The following SCML4 variants were observed in gnomAD, a reference collection of about 807,000 sequenced individuals.
The protein encoded by SCML4 is sex comb on midleg-like protein 4.
Under a neutral mutation model 41.1 loss-of-function variants are expected in SCML4, and 34 were observed. That is an observed-to-expected ratio of 0.83 (90% CI 0.63 to 1.10). The LOEUF (loss-of-function observed/expected upper bound fraction) is 1.10, where lower values mean the gene tolerates loss of function less well. Ranked by LOEUF, SCML4 falls within the 50% of genes least tolerant of loss-of-function variation. The pLI, the probability that SCML4 is intolerant of heterozygous loss-of-function variation, is 0.00. For missense variants in SCML4, 522 were observed against 534.1 expected (o/e 0.98, Z 0.22); for synonymous variants, 214 against 220.9 (o/e 0.97, Z 0.28).
At chr6:107,820,703 C>A (rs76758701) in intron 1 of SCML4, among the ~76,000 whole-genome samples, 1 of 152,158 alleles carries the variant, frequency 6.6e-6, no homozygotes, top group Non-Finnish European at 1.5e-5. Context: ...GGGCTGGCAG[C>A]CAGGGCGTTC....
At chr6:107,757,693 G>A (rs1779227596) in intron 2 of SCML4, among the ~76,000 whole-genome samples, 2 of 152,192 alleles carry the variant, frequency 1.3e-5, no homozygotes, top group Admixed American at 6.5e-5. Flanking sequence ...ATTAAATGCA[G>A]AAGTTTAGCA....
intron 5 of SCML4, among the ~76,000 whole-genome samples, chr6:107,735,773 T>C (rs1444304094): frequency 1.4e-5 from 2 of 147,882 alleles, no homozygotes; most frequent in East Asian, 2.0e-4. Context: ...CACTCCAGCC[T>C]AGATGATGGA....
chr6:107,826,238 C>T (rs190524238), upstream of SCML4, among the ~76,000 whole-genome samples: 1 of 142,604 alleles, frequency 7.0e-6, no homozygotes, highest in East Asian at 2.0e-4. Flanking sequence ...GAGTGAAATT[C>T]CATCTCAAAA....
the SCML4 span, among the ~76,000 whole-genome samples, chr6:107,836,378 C>A: frequency 6.6e-6 from 1 of 152,156 alleles, no homozygotes; most frequent in Non-Finnish European, 1.5e-5. Flanking sequence ...CTGTCTCTCC[C>A]ACCCAGAGGC....
intron 1 of SCML4, among the ~76,000 whole-genome samples, chr6:107,802,147 C>T (rs1197452326): frequency 2.6e-5 from 4 of 152,120 alleles, no homozygotes; most frequent in African/African-American, 9.7e-5. Context: ...GGATACAGTA[C>T]GAGCAACAAC....
At chr6:107,767,798 G>A (rs893943700) in intron 2 of SCML4, among the ~76,000 whole-genome samples, 6 of 152,132 alleles carry the variant, frequency 3.9e-5, no homozygotes, top group African/African-American at 1.4e-4. Flanking sequence ...CTAACTGCTG[G>A]CCTGAGGAAT....
upstream of SCML4, chr6:107,824,338 T>C (rs1156290415): frequency 6.6e-6 from 1 of 152,184 alleles, no homozygotes; most frequent in Non-Finnish European, 1.5e-5. Flanking sequence ...GAAAACTCGA[T>C]TTACCATAGC....
intron 2 of SCML4, among the ~76,000 whole-genome samples, chr6:107,766,632 G>A (rs1262144305): frequency 6.6e-6 from 1 of 152,216 alleles, no homozygotes; most frequent in Non-Finnish European, 1.5e-5. Context: ...GCTATGCTCA[G>A]AATGCCAGCT....
At position 107,720,505 on chromosome 6, in the gene SCML4, G is replaced by T. The variant is rs541653698; in HGVS notation, c.973+198C>A. On this transcript the variant is annotated intron_variant, in intron 6 of 7. Coordinates refer to ENST00000369020, the MANE Select transcript of SCML4 (RefSeq NM_198081.5). ...TGTGGCCTAGCCTGCCCTAATACACGATTTTCTTTGCTTATCAAAGGTTGA... is the reference window on the plus strand; with the variant it reads ...TGTGGCCTAGCCTGCCCTAATACACTATTTTCTTTGCTTATCAAAGGTTGA... 1.9e-4 allele frequency: 265 copies of T among 1,365,470 alleles called. 1 individual carries two copies. In the African/African-American group the frequency reaches 3.6e-3, roughly 19 times the overall value. The allele number at this position is 1,365,470 out of a possible 1,614,324, so 84.6% of individuals were successfully genotyped here. A position where few individuals can be genotyped will look rare whatever the true frequency, so the allele number is the denominator to read the frequency against.
intron 1 of SCML4, among the ~76,000 whole-genome samples, chr6:107,779,397 G>A (rs9480799): frequency 0.015 from 2,211 of 152,064 alleles, 49 homozygotes; most frequent in African/African-American, 0.05. Context: ...GGATTTTCCC[G>A]GGCAGAGCAG....
chr6:107,831,993 G>A, the SCML4 span, among the ~76,000 whole-genome samples: 1 of 152,020 alleles, frequency 6.6e-6, no homozygotes, highest in South Asian at 2.1e-4. Context: ...AACCCGGGAG[G>A]TGGAGCTTGC....
At chr6:107,758,017 C>T (rs1020134200) in intron 2 of SCML4, among the ~76,000 whole-genome samples, 7 of 152,282 alleles carry the variant, frequency 4.6e-5, no homozygotes, top group African/African-American at 1.7e-4. Flanking sequence ...AATACCTATC[C>T]TTTCCAAGTG....
At chr6:107,719,872 A>G (rs1480456807) in intron 6 of SCML4, 4 of 983,924 alleles carry the variant, frequency 4.1e-6, no homozygotes, top group Non-Finnish European at 4.8e-6. Context: ...ACTATACTCT[A>G]TGGCCTTTAG....
intron 1 of SCML4, among the ~76,000 whole-genome samples, chr6:107,791,068 T>TAAAAAAAAAAA: frequency 7.7e-6 from 1 of 130,496 alleles, no homozygotes; most frequent in Non-Finnish European, 1.6e-5. Context: ...AGACTCCGTC[T>TAAAAAAAAAAA]AAAAAAAAAA....
At chr6:107,792,601 G>A (rs908222244) in intron 1 of SCML4, among the ~76,000 whole-genome samples, 2 of 152,008 alleles carry the variant, frequency 1.3e-5, no homozygotes, top group Non-Finnish European at 2.9e-5. Context: ...GTATGCTGGT[G>A]CATGCCTGTA....
At chr6:107,797,077 T>A (rs1470494750) in intron 1 of SCML4, among the ~76,000 whole-genome samples, 3 of 152,168 alleles carry the variant, frequency 2.0e-5, no homozygotes, top group Admixed American at 6.5e-5. Flanking sequence ...TATAACTTTA[T>A]AGTAAGTCTT....
At chr6:107,786,385 G>A (rs1781898213) in intron 1 of SCML4, among the ~76,000 whole-genome samples, 1 of 152,202 alleles carries the variant, frequency 6.6e-6, no homozygotes, top group Admixed American at 6.5e-5. Flanking sequence ...AAAAATTTGT[G>A]TTTCTCAAGG....
intron 2 of SCML4, among the ~76,000 whole-genome samples, chr6:107,759,334 T>TACAC (rs1260679613): frequency 1.3e-5 from 2 of 149,628 alleles, no homozygotes; most frequent in Non-Finnish European, 3.0e-5. Context: ...TGTCTCAAAA[T>TACAC]ACATACATAC....
At chr6:107,777,872 T>C (rs1781080737) in intron 1 of SCML4, among the ~76,000 whole-genome samples, 2 of 151,972 alleles carry the variant, frequency 1.3e-5, no homozygotes, top group Admixed American at 6.6e-5. Context: ...AGACCTCAAA[T>C]GCTGTCCAAA....
Sources: allele counts gnomAD v4.1 joint callset (sites outside exome capture counted in the v4.1 genomes callset), GRCh38; gene constraint gnomAD v4.1.1; transcripts MANE v1.5; gene names NCBI Gene and HGNC (gene_info 2026-07-23, HGNC 2026-07-21).